The following MAP3K5 variants were observed in gnomAD, a reference collection of about 807,000 sequenced individuals.
MAP3K5 encodes the protein mitogen-activated protein kinase kinase kinase 5, also known as ASK-1.
MAP3K5 carries 56 observed loss-of-function variants against 158.7 expected under a neutral mutation model. The ratio of observed to expected loss-of-function variants is 0.35; its 90% CI spans 0.28 to 0.44. The LOEUF (loss-of-function observed/expected upper bound fraction) is 0.44, where lower values mean the gene tolerates loss of function less well. Ranked by LOEUF, MAP3K5 falls within the 20% of genes least tolerant of loss-of-function variation. The probability of loss-of-function intolerance (pLI) is 1.00; values close to 1 mark genes in which losing one functional copy is unlikely to be tolerated. For missense variants in MAP3K5, 1,294 were observed against 1,674.8 expected, an observed-to-expected ratio of 0.77 and a Z score of 3.97; for synonymous variants, 579 against 601.7, an observed-to-expected ratio of 0.96 and a Z score of 0.55.
chr6:136,731,633 C>T (rs929417648), intron 1 of MAP3K5, among the ~76,000 whole-genome samples: 1 of 152,160 alleles, frequency 6.6e-6, no homozygotes, highest in African/African-American at 2.4e-5. Context: ...TGTTCCAGTT[C>T]TGACATAGAT....
chr6:136,725,613 A>G (rs9373173), intron 1 of MAP3K5, among the ~76,000 whole-genome samples: 55,519 of 152,038 alleles, frequency 0.37, 12,005 homozygotes, highest in Middle Eastern at 0.5. Context: ...TTCCTCTGTC[A>G]GATATGCAAT....
chr6:136,580,618 A>C (rs1774828312), intron 24 of MAP3K5, among the ~76,000 whole-genome samples: 1 of 152,344 alleles, frequency 6.6e-6, no homozygotes, highest in African/African-American at 2.4e-5. Context: ...TAAGTTATTT[A>C]AGTGAAAGGC....
At position 136,694,272 on chromosome 6, in the gene MAP3K5, A is replaced by G. The variant is rs1329477164; in HGVS notation, c.1121T>C (p.Ile374Thr). 2 of 1,613,150 alleles carry G rather than the reference A, an allele frequency of 1.2e-6. No individual in the cohort carries two copies. Among genetic ancestry groups the G allele is most frequent in the Non-Finnish European group, 1.7e-6 (2 of 1,179,926 alleles). Residue 374 changes from isoleucine (I) to threonine (T), a missense_variant, in exon 7 of 30, where the codon ATT becomes ACT. By Grantham distance (89) the Ile-to-Thr change is moderately conservative. Around this residue, in one of 5 missense-constraint regions of MAP3K5, gnomAD observed 690 missense variants for 870.5 expected, o/e 0.79. Transcript: ENST00000359015. The stretch of plus-strand genomic sequence containing the variant: ...TTCGCTTTGCACCATGGGAATCATA[A>G]TATCAAGAGCTTTTGCTCTGTCACC... ...LPGDRAKALD[I>T]MIPMVQSEGQ... is the part of the protein sequence containing the mutation.
intron 7 of MAP3K5, among the ~76,000 whole-genome samples, chr6:136,686,307 A>G (rs1214675668): frequency 6.6e-6 from 1 of 152,150 alleles, no homozygotes; most frequent in Non-Finnish European, 1.5e-5. Flanking sequence ...CAAACCTACA[A>G]GCAATATCAT....
intron 7 of MAP3K5, among the ~76,000 whole-genome samples, chr6:136,674,670 A>G (rs938802094): frequency 1.2e-4 from 18 of 152,020 alleles, no homozygotes; most frequent in African/African-American, 4.3e-4. Flanking sequence ...TTCAAATTAG[A>G]CTGAACAATA....
intron 1 of MAP3K5, among the ~76,000 whole-genome samples, chr6:136,763,097 G>A (rs1027653141): frequency 6.6e-6 from 1 of 152,064 alleles, no homozygotes; most frequent in Non-Finnish European, 1.5e-5. Flanking sequence ...GGCTCAAGCC[G>A]TCCTCCCACC....
chr6:136,623,215 C>G (rs529652759), intron 14 of MAP3K5, among the ~76,000 whole-genome samples: 3 of 152,318 alleles, frequency 2.0e-5, no homozygotes, highest in Admixed American at 2.0e-4. Flanking sequence ...TAGTTAACTT[C>G]ATAGAATTGC....
At chr6:136,610,619 T>C (rs1776292488) in intron 18 of MAP3K5, among the ~76,000 whole-genome samples, 1 of 147,252 alleles carries the variant, frequency 6.8e-6, no homozygotes, top group South Asian at 2.5e-4. Flanking sequence ...AAAAAAAATC[T>C]TGCTAGAGTT....
intron 9 of MAP3K5, among the ~76,000 whole-genome samples, chr6:136,657,458 C>T (rs1037507915): frequency 6.6e-6 from 1 of 152,156 alleles, no homozygotes; most frequent in Non-Finnish European, 1.5e-5. Flanking sequence ...TCAGAATGGT[C>T]ACTGTAAAGA....
At position 136,792,097 on chromosome 6, in the gene MAP3K5, A is replaced by T; in HGVS notation, c.61T>A (p.Phe21Ile). Reference sequence around the variant, plus strand: ...ATGCCGCCCTCGGGGATGGTGCAGAAGCCCGAGGGGGCGAAGGGTGGCACA... The same window carrying T: ...ATGCCGCCCTCGGGGATGGTGCAGATGCCCGAGGGGGCGAAGGGTGGCACA... ...FSVPPFAPSG[F>I]CTIPEGGICR... The change falls in exon 1 of 30, where the codon TTC (phenylalanine) becomes ATC (isoleucine). Residue 21 changes from phenylalanine (F) to isoleucine (I), a missense_variant. Around this residue, in one of 5 missense-constraint regions of MAP3K5, gnomAD observed 690 missense variants for 870.5 expected, o/e 0.79. Coordinates refer to ENST00000359015, the MANE Select transcript of MAP3K5 (RefSeq NM_005923.4). This position sits in a 1 kb window ranked among gnomAD's most constrained non-coding sequence, Gnocchi z 5.7. The T allele has an allele frequency of 6.3e-7, 1 of 1,585,358 alleles. No individual in the cohort carries two copies.
chr6:136,756,542 T>C (rs1024357270), intron 1 of MAP3K5, among the ~76,000 whole-genome samples: 14 of 152,090 alleles, frequency 9.2e-5, no homozygotes, highest in Non-Finnish European at 1.9e-4. Context: ...TCCGCCTCCC[T>C]GCAACCTCCG....
At chr6:136,728,348 T>C (rs987201811) in intron 1 of MAP3K5, among the ~76,000 whole-genome samples, 1 of 152,126 alleles carries the variant, frequency 6.6e-6, no homozygotes, top group Non-Finnish European at 1.5e-5. Flanking sequence ...GACCTAAAAG[T>C]CATGTCCTGT....
chr6:136,777,014 G>A (rs1433405261), intron 1 of MAP3K5, among the ~76,000 whole-genome samples: 1 of 152,154 alleles, frequency 6.6e-6, no homozygotes, highest in Non-Finnish European at 1.5e-5. Flanking sequence ...AACAGTCTAG[G>A]ATAGTATTTC....
At chr6:136,682,351 T>C (rs1490743217) in intron 7 of MAP3K5, among the ~76,000 whole-genome samples, 2 of 152,122 alleles carry the variant, frequency 1.3e-5, no homozygotes, top group East Asian at 3.8e-4. Flanking sequence ...AAGAGAACAC[T>C]GAGAAACATA....
At position 136,694,151 on chromosome 6, in the gene MAP3K5, A is replaced by G. The variant is rs1780502918; in HGVS notation, c.1242T>C (p.His414=). The change falls in exon 7 of 30, where the codon CAT becomes CAC. Residue 414 remains histidine (H), a synonymous_variant. Coordinates refer to ENST00000359015, the MANE Select transcript of MAP3K5 (RefSeq NM_005923.4). ...TACTATTTACTTACCAAGAAGCTCC[A>G]TGGTCTCTGCTTTCAGTGTCCGTGA... ...SNFTDTESRD[H]GASWFKKAFE... is the part of the protein sequence containing the mutation. 1 of 1,611,960 alleles carries G rather than the reference A, an allele frequency of 6.2e-7. No individual in the cohort carries two copies. Among genetic ancestry groups the G allele is most frequent in the African/African-American group, 1.3e-5 (1 of 74,816 alleles).
intron 7 of MAP3K5, among the ~76,000 whole-genome samples, chr6:136,674,281 G>A (rs1333715560): frequency 6.6e-6 from 1 of 151,982 alleles, no homozygotes; most frequent in Non-Finnish European, 1.5e-5. Flanking sequence ...GCATCAGAAA[G>A]AGTAAATATG....
chr6:136,592,592 C>T lies in MAP3K5; in HGVS notation c.2901G>A (p.Leu967=), dbSNP rs762335187. The change falls in exon 22 of 30, where the codon TTG becomes TTA. Residue 967 remains leucine, a synonymous_variant. Transcript: ENST00000359015. ...TGTCCTCCACCAGCACAGGTACCGG[C>T]AAGGATATACTCCTGAGATATTCTG... ...GSNEYLRSIS[L]PVPVLVEDTS... is the part of the protein sequence containing the mutation. 3.2e-5 allele frequency: 52 copies of T among 1,613,514 alleles called. No homozygotes were observed. Among genetic ancestry groups the T allele is most frequent in the Non-Finnish European group, 4.2e-5 (50 of 1,179,854 alleles).
intron 15 of MAP3K5, among the ~76,000 whole-genome samples, chr6:136,619,187 C>T (rs1437870607): frequency 2.0e-5 from 3 of 152,032 alleles, no homozygotes; most frequent in African/African-American, 7.2e-5. Context: ...TCTCTGAGGG[C>T]TTGACATTTG....
intron 21 of MAP3K5, among the ~76,000 whole-genome samples, chr6:136,596,507 T>C (rs1461107224): frequency 3.3e-5 from 5 of 151,838 alleles, no homozygotes; most frequent in Non-Finnish European, 5.9e-5. Context: ...AAAAAGGTGG[T>C]GGTGTCAGCC....
Sources: allele counts gnomAD v4.1 joint callset (sites outside exome capture counted in the v4.1 genomes callset), GRCh38; gene constraint gnomAD v4.1.1; regional missense constraint gnomAD v4.1.1; non-coding constraint Gnocchi (gnomAD v3.1); transcripts MANE v1.5; gene names NCBI Gene and HGNC (gene_info 2026-07-23, HGNC 2026-07-21).